The following TRAPPC9 variants were observed in gnomAD, a reference collection of about 807,000 sequenced individuals.
The protein encoded by TRAPPC9 is trafficking protein particle complex subunit 9.
A neutral mutation model predicts 124.0 loss-of-function variants in TRAPPC9; 83 were observed. The observed-to-expected ratio is 0.67, with a 90% CI of 0.56 to 0.80. The LOEUF (loss-of-function observed/expected upper bound fraction) is 0.80, where lower values mean the gene tolerates loss of function less well. TRAPPC9 is among the 30% of genes least tolerant of loss of function. The probability of loss-of-function intolerance (pLI) is 0.00; values close to 1 mark genes in which losing one functional copy is unlikely to be tolerated. For missense variants in TRAPPC9, 1,302 were observed against 1,508.3 expected (o/e 0.86, Z 2.27); for synonymous variants, 638 against 617.5 (o/e 1.03, Z -0.49).
At chr8:140,313,502 TCATTA>T (rs936805987) in intron 9 of TRAPPC9, among the ~76,000 whole-genome samples, 4 of 152,212 alleles carry the variant, frequency 2.6e-5, no homozygotes, top group African/African-American at 7.2e-5. Context: ...CTGTGCCATT[TCATTA>T]GAGAACCCCC....
intron 1 of TRAPPC9, among the ~76,000 whole-genome samples, chr8:140,454,658 A>C (rs1165527978): frequency 6.7e-6 from 1 of 148,678 alleles, no homozygotes; most frequent in African/African-American, 2.5e-5. Context: ...AAAAAAAAAA[A>C]AACACAACCT....
At chr8:140,013,230 C>T (rs1463137654) in intron 18 of TRAPPC9, among the ~76,000 whole-genome samples, 2 of 152,180 alleles carry the variant, frequency 1.3e-5, no homozygotes, top group Non-Finnish European at 2.9e-5. Context: ...CTGGGTTCCA[C>T]TCGGACCGTG....
At chr8:140,206,260 A>G (rs2062914507) in intron 17 of TRAPPC9, among the ~76,000 whole-genome samples, 1 of 152,240 alleles carries the variant, frequency 6.6e-6, no homozygotes, top group African/African-American at 2.4e-5. Flanking sequence ...CAGAAAGATA[A>G]AACAATTATC....
intron 17 of TRAPPC9, among the ~76,000 whole-genome samples, chr8:140,197,256 C>T (rs2062691847): frequency 6.6e-6 from 1 of 152,132 alleles, no homozygotes; most frequent in South Asian, 2.1e-4. Context: ...GCAAATAAAG[C>T]GGGAATGAGC....
chr8:139,854,819 G>A (rs1827701925), intron 21 of TRAPPC9, among the ~76,000 whole-genome samples: 1 of 152,130 alleles, frequency 6.6e-6, no homozygotes, highest in African/African-American at 2.4e-5. Flanking sequence ...CAGGAAAGAG[G>A]GTGCCAAACA....
chr8:140,092,750 T>C (rs1219824782), intron 17 of TRAPPC9, among the ~76,000 whole-genome samples: 1 of 152,222 alleles, frequency 6.6e-6, no homozygotes, highest in African/African-American at 2.4e-5. Flanking sequence ...CTCTGGGTGC[T>C]GGAAATGATG....
At chr8:140,070,965 T>C (rs1843129731) in intron 17 of TRAPPC9, among the ~76,000 whole-genome samples, 1 of 152,208 alleles carries the variant, frequency 6.6e-6, no homozygotes, top group South Asian at 2.1e-4. Flanking sequence ...GGCCCAGGCC[T>C]TGGCAGCACT....
intron 16 of TRAPPC9, among the ~76,000 whole-genome samples, chr8:140,229,403 G>T (rs1200243523): frequency 2.0e-5 from 3 of 150,474 alleles, no homozygotes; most frequent in African/African-American, 7.3e-5. Context: ...CTAGGATTAT[G>T]GGCACCTGCC....
chr8:139,832,270 AG>A (rs374836057), intron 21 of TRAPPC9, among the ~76,000 whole-genome samples: 2 of 152,230 alleles, frequency 1.3e-5, no homozygotes, highest in African/African-American at 4.8e-5. Context: ...CAGTAAAAAT[AG>A]CTACATTTGC....
At chr8:140,067,723 C>A (rs1842957309) in intron 17 of TRAPPC9, among the ~76,000 whole-genome samples, 1 of 152,132 alleles carries the variant, frequency 6.6e-6, no homozygotes. Context: ...GGGTGAGTAT[C>A]AAATACAAGA....
chr8:140,362,525 T>TA (rs376070420), intron 8 of TRAPPC9, among the ~76,000 whole-genome samples: 6 of 150,366 alleles, frequency 4.0e-5, no homozygotes, highest in African/African-American at 9.8e-5. Context: ...TACACACACT[T>TA]AAAAAAAAAT....
rs71320340 is a variant in TRAPPC9 at position 140,019,542 on chromosome 8, C to CTTTTTTTTTT, written c.2699+4385_2699+4394dup. Reference sequence around the variant, plus strand: ...CTGTGTCAATTTTAGTAATTTGTGTCTTTTTTTTTTTTTTTTTTTTTTTTT... The same window carrying CTTTTTTTTTT: ...CTGTGTCAATTTTAGTAATTTGTGTCTTTTTTTTTTTTTTTTTTTTTTTTTTTTTTTTTTT... On this transcript the variant is annotated intron_variant, in intron 18 of 22. Transcript: ENST00000438773. Among the ~76,000 whole-genome samples the CTTTTTTTTTT allele has an allele frequency of 1.1e-4, 5 of 43,860 alleles. 1 individual carries two copies. The highest frequency in any genetic ancestry group is 2.0e-4 in the Non-Finnish European group (5 of 24,528). 28.8% of individuals were successfully genotyped at this position (43,860 alleles called of 152,430 possible).
At chr8:140,264,332 G>C (rs763870069) in intron 15 of TRAPPC9, among the ~76,000 whole-genome samples, 1 of 152,012 alleles carries the variant, frequency 6.6e-6, no homozygotes, top group Non-Finnish European at 1.5e-5. Context: ...CCTTTCCCAG[G>C]TGCTCCCCAT....
At chr8:139,775,656 G>T (rs1586818475) in intron 21 of TRAPPC9, among the ~76,000 whole-genome samples, 1 of 152,316 alleles carries the variant, frequency 6.6e-6, no homozygotes, top group East Asian at 1.9e-4. Flanking sequence ...GCCTCACCAG[G>T]TGTGAGCCCA....
intron 19 of TRAPPC9, chr8:139,911,269 T>C (rs1831712242): frequency 6.6e-6 from 1 of 152,330 alleles, no homozygotes; most frequent in East Asian, 1.9e-4. Context: ...GCCTTCATCA[T>C]GATTGTGAGG....
At chr8:139,749,053 C>T (rs1429310491) in intron 21 of TRAPPC9, among the ~76,000 whole-genome samples, 4 of 152,114 alleles carry the variant, frequency 2.6e-5, no homozygotes, top group East Asian at 1.9e-4. Context: ...TTCAATTGCT[C>T]CTCCAAAGTA....
At chr8:140,339,985 G>A (rs1479651925) in intron 9 of TRAPPC9, among the ~76,000 whole-genome samples, 1 of 108,944 alleles carries the variant, frequency 9.2e-6, no homozygotes, top group Non-Finnish European at 1.9e-5. Flanking sequence ...TGGAATTACA[G>A]GCGTGGTGCA....
At chr8:139,895,033 G>A (rs1473417338) in intron 20 of TRAPPC9, among the ~76,000 whole-genome samples, 1 of 152,230 alleles carries the variant, frequency 6.6e-6, no homozygotes, top group Non-Finnish European at 1.5e-5. Flanking sequence ...CTCAGGGAAA[G>A]AACCAGAAAC....
intron 9 of TRAPPC9, among the ~76,000 whole-genome samples, chr8:140,336,689 T>C (rs2132033456): frequency 6.6e-6 from 1 of 152,298 alleles, no homozygotes; most frequent in Admixed American, 6.5e-5. Flanking sequence ...CTGAATAAAT[T>C]ACATTCTGAC....
Sources: allele counts gnomAD v4.1 joint callset (sites outside exome capture counted in the v4.1 genomes callset), GRCh38; gene constraint gnomAD v4.1.1; transcripts MANE v1.5; gene names NCBI Gene and HGNC (gene_info 2026-07-23, HGNC 2026-07-21).